RABGAP1L: variants seen among roughly 807,000 people sequenced by gnomAD.
The protein encoded by RABGAP1L is rab GTPase-activating protein 1-like.
Under a neutral mutation model 137.7 loss-of-function variants are expected in RABGAP1L, and 63 were observed. The observed-to-expected ratio is 0.46, with a 90% CI of 0.37 to 0.56. The LOEUF is 0.56. Ranked by LOEUF, RABGAP1L falls within the 20% of genes least tolerant of loss-of-function variation. The probability of loss-of-function intolerance (pLI) is 0.00; values close to 1 mark genes in which losing one functional copy is unlikely to be tolerated. For missense variants in RABGAP1L, 1,095 were observed against 1,244.0 expected (o/e 0.88, Z 1.80); for synonymous variants, 431 against 433.7 (o/e 0.99, Z 0.08).
chr1:174,509,189 C>G (rs1187220382), intron 13 of RABGAP1L, among the ~76,000 whole-genome samples: 1 of 152,114 alleles, frequency 6.6e-6, no homozygotes, highest in Non-Finnish European at 1.5e-5. Context: ...AAGTTCAATG[C>G]CGTACATTCA....
chr1:174,764,318 A>T (rs1305798598), intron 18 of RABGAP1L, among the ~76,000 whole-genome samples: 1 of 152,210 alleles, frequency 6.6e-6, no homozygotes, highest in African/African-American at 2.4e-5. Flanking sequence ...TCTTGGTTAT[A>T]TGCCTAGGAA....
At position 174,419,499 on chromosome 1, in the gene RABGAP1L, CTA is replaced by C. The variant is rs552898534; in HGVS notation, c.1710+25358_1710+25359del. Among the ~76,000 whole-genome samples the C allele has an allele frequency of 2.8e-3, 427 of 152,290 alleles. 5 individuals are homozygous for C. The highest frequency in any genetic ancestry group is 9.8e-3 in the African/African-American group (409 of 41,564). On this transcript the variant is annotated intron_variant, in intron 13 of 25. Coordinates refer to ENST00000681986, the MANE Select transcript of RABGAP1L (RefSeq NM_001366446.1). ...AAAATAAATATGCTAAAAATGTACA[CTA>C]TATCTTACTATTTTCTTTAAAACAG...
chr1:174,377,878 G>A (rs1439873098), intron 12 of RABGAP1L, among the ~76,000 whole-genome samples: 1 of 138,580 alleles, frequency 7.2e-6, no homozygotes, highest in African/African-American at 2.9e-5. Flanking sequence ...CTGGTGCGCT[G>A]CACCCACTAA....
intron 13 of RABGAP1L, among the ~76,000 whole-genome samples, chr1:174,484,703 A>G (rs1659461950): frequency 6.6e-6 from 1 of 152,148 alleles, no homozygotes; most frequent in Admixed American, 6.6e-5. Context: ...AATTCATTGT[A>G]GATGTGTGGG....
chr1:174,655,135 T>G (rs1675868801), intron 14 of RABGAP1L, among the ~76,000 whole-genome samples: 1 of 149,592 alleles, frequency 6.7e-6, no homozygotes, highest in South Asian at 2.1e-4. Flanking sequence ...TAGGATGTTT[T>G]TCTTATAAAC....
intron 13 of RABGAP1L, among the ~76,000 whole-genome samples, chr1:174,407,890 G>A (rs1387184500): frequency 1.3e-5 from 2 of 152,122 alleles, no homozygotes; most frequent in Non-Finnish European, 2.9e-5. Flanking sequence ...ATGATAAAAT[G>A]TACTGGAGAG....
intron 10 of RABGAP1L, among the ~76,000 whole-genome samples, chr1:174,284,648 CT>C (rs1675895583): frequency 6.7e-6 from 1 of 149,720 alleles, no homozygotes; most frequent in Non-Finnish European, 1.5e-5. Flanking sequence ...ACTCTTTGTA[CT>C]GTTTTTCATA....
chr1:174,515,114 T>C (rs1353347863), intron 13 of RABGAP1L, among the ~76,000 whole-genome samples: 1 of 152,200 alleles, frequency 6.6e-6, no homozygotes, highest in East Asian at 1.9e-4. Context: ...CAATTTTCAA[T>C]GCGTTGTTAT....
chr1:174,728,638 C>G (rs1682201905), intron 17 of RABGAP1L, among the ~76,000 whole-genome samples: 1 of 128,676 alleles, frequency 7.8e-6, no homozygotes, highest in Admixed American at 9.3e-5. Flanking sequence ...CACTGTGTTG[C>G]CCAGGCTGGA....
At chr1:174,903,683 A>AG (rs11433702) in intron 19 of RABGAP1L, among the ~76,000 whole-genome samples, 152,369 of 152,370 alleles carry the variant, frequency 1, 76,184 homozygotes, top group Non-Finnish European at 1. Flanking sequence ...TGAGTGCGGT[A>AG]CTAACGCCTG....
chr1:174,381,197 C>G (rs937404511), intron 12 of RABGAP1L, among the ~76,000 whole-genome samples: 4 of 145,148 alleles, frequency 2.8e-5, no homozygotes, highest in Admixed American at 6.8e-5. Context: ...CTGAGGAGAG[C>G]TTTACTTCCA....
chr1:174,488,094 GT>G (rs1376900151), intron 13 of RABGAP1L, among the ~76,000 whole-genome samples: 2 of 151,852 alleles, frequency 1.3e-5, no homozygotes, highest in Admixed American at 6.6e-5. Context: ...ATTCTGTGGG[GT>G]TTTTTTCTGT....
intron 3 of RABGAP1L, among the ~76,000 whole-genome samples, chr1:174,230,008 A>G (rs928754117): frequency 1.3e-4 from 20 of 152,160 alleles, no homozygotes; most frequent in African/African-American, 4.6e-4. Context: ...CAAATGTCCA[A>G]CAATGATAGA....
chr1:174,164,113 C>T (rs13375690), intron 1 of RABGAP1L, among the ~76,000 whole-genome samples: 3,785 of 151,124 alleles, frequency 0.025, 179 homozygotes, highest in African/African-American at 0.088. Flanking sequence ...TACCTGCCCC[C>T]CAACCCATTG....
chr1:174,915,770 A>G (rs1005843514), intron 19 of RABGAP1L, among the ~76,000 whole-genome samples: 6 of 152,094 alleles, frequency 3.9e-5, no homozygotes, highest in Non-Finnish European at 5.9e-5. Context: ...CCATTTTTAA[A>G]TTGGGTTATT....
rs574139174 is a variant in RABGAP1L, at chr1:174,225,001, G to A, written c.331+3837G>A. On this transcript the variant is annotated intron_variant, in intron 3 of 25. Transcript: ENST00000681986. ...TTTATATCTTTAACCAAATTTGGGA[G>A]TTTTCACCCATTATTTCTTGGTAAT... 8.8e-4 allele frequency among the ~76,000 whole-genome samples: 134 copies of A among 151,882 alleles called. 1 individual carries two copies. The highest frequency in any genetic ancestry group is 3.1e-3 in the African/African-American group (127 of 41,468).
At chr1:174,200,641 T>C (rs1668029363) in intron 1 of RABGAP1L, among the ~76,000 whole-genome samples, 1 of 152,236 alleles carries the variant, frequency 6.6e-6, no homozygotes, top group South Asian at 2.1e-4. Context: ...TTGATACTTC[T>C]AAGGTTTAAA....
intron 19 of RABGAP1L, among the ~76,000 whole-genome samples, chr1:174,898,456 G>A (rs1272129629): frequency 6.6e-6 from 1 of 152,170 alleles, no homozygotes; most frequent in Non-Finnish European, 1.5e-5. Flanking sequence ...ATCAGAATCT[G>A]AACTTTTCTA....
intron 4 of RABGAP1L, among the ~76,000 whole-genome samples, chr1:174,240,268 A>G (rs930784147): frequency 2.0e-5 from 3 of 151,978 alleles, no homozygotes; most frequent in Non-Finnish European, 2.9e-5. Flanking sequence ...TGTTTTTGAG[A>G]CACAGTTTCA....
Sources: allele counts gnomAD v4.1 joint callset (sites outside exome capture counted in the v4.1 genomes callset), GRCh38; gene constraint gnomAD v4.1.1; transcripts MANE v1.5; gene names NCBI Gene and HGNC (gene_info 2026-07-23, HGNC 2026-07-21).